Variants in DAP3 observed in about 807,000 individuals in gnomAD.
DAP3 encodes death associated protein 3, also known as small ribosomal subunit protein mS29.
A neutral mutation model predicts 51.9 loss-of-function variants in DAP3; 28 were observed. The ratio of observed to expected loss-of-function variants is 0.54; its 90% CI spans 0.40 to 0.74. The LOEUF (loss-of-function observed/expected upper bound fraction) is 0.74, where lower values mean the gene tolerates loss of function less well. Among genes scored for constraint, DAP3 ranks in the 30% least tolerant of loss-of-function variants. The probability of loss-of-function intolerance (pLI) is 0.00; values close to 1 mark genes in which losing one functional copy is unlikely to be tolerated. For synonymous variants in DAP3, 170 were observed against 170.3 expected, an observed-to-expected ratio of 1.00 and a Z score of 0.01; for missense variants, 458 against 483.5, an observed-to-expected ratio of 0.95 and a Z score of 0.49.
intron 3 of DAP3, among the ~76,000 whole-genome samples, chr1:155,721,199 G>A (rs901039501): frequency 1.3e-5 from 2 of 151,626 alleles, no homozygotes; most frequent in Non-Finnish European, 1.5e-5. Context: ...AGCCGGGTGC[G>A]GTGGCAGATT....
intron 4 of DAP3, among the ~76,000 whole-genome samples, chr1:155,724,942 GA>G (rs1658408790): frequency 6.8e-6 from 1 of 147,758 alleles, no homozygotes; most frequent in Non-Finnish European, 1.5e-5. Flanking sequence ...CAACAAGAGT[GA>G]AACTCCGTCT....
At chr1:155,702,164 A>G (rs573797275) in intron 1 of DAP3, among the ~76,000 whole-genome samples, 25 of 148,046 alleles carry the variant, frequency 1.7e-4, no homozygotes, top group South Asian at 1.7e-3. Context: ...AAAAAAAAAA[A>G]AAAAAAGAAA....
intron 6 of DAP3, 145 bp downstream of exon 6, chr1:155,726,164 A>T: frequency 1.7e-6 from 1 of 601,848 alleles, no homozygotes; most frequent in Non-Finnish European, 2.6e-6. Flanking sequence ...GCCAGTCTGG[A>T]GTGCAGAGGC....
chr1:155,735,352 G>T (rs1051945002), intron 11 of DAP3, among the ~76,000 whole-genome samples: 1 of 151,924 alleles, frequency 6.6e-6, no homozygotes, highest in Non-Finnish European at 1.5e-5. Flanking sequence ...AGGGCGGGCG[G>T]ATCACCTGAG....
chr1:155,703,679 A>G (rs959215732), intron 1 of DAP3, among the ~76,000 whole-genome samples: 46 of 151,830 alleles, frequency 3.0e-4, no homozygotes, highest in African/African-American at 1.1e-3. Flanking sequence ...CTGGGACTAC[A>G]GGCGCCCGCC....
intron 9 of DAP3, among the ~76,000 whole-genome samples, chr1:155,729,659 C>T (rs1029540758): frequency 1.3e-5 from 2 of 152,044 alleles, no homozygotes; most frequent in Non-Finnish European, 2.9e-5. Context: ...GTGGCACACA[C>T]CTGTAGTCAC....
chr1:155,717,237 TAC>T, intron 3 of DAP3, 109 bp downstream of exon 3: 1 of 1,522,000 alleles, frequency 6.6e-7, no homozygotes. Flanking sequence ...GATTTGCATT[TAC>T]TCAGATAGTG....
chr1:155,700,543 C>T (rs1655074363), intron 1 of DAP3, among the ~76,000 whole-genome samples: 1 of 151,238 alleles, frequency 6.6e-6, no homozygotes. Flanking sequence ...CCCGCCCGGC[C>T]AGCCGCCCCA....
rs1655825980 is a variant in DAP3, at chr1:155,705,412, C to CA, written c.-7-4360dup. Among the ~76,000 whole-genome samples, 4 of 150,140 alleles carry CA rather than the reference C, an allele frequency of 2.7e-5. No individual in the cohort carries two copies. In the South Asian group the frequency reaches 8.4e-4, roughly 31 times the overall value. On this transcript the variant is annotated intron_variant, in intron 1 of 12. Coordinates refer to ENST00000368336, the MANE Select transcript of DAP3 (RefSeq NM_004632.4). ...AGGAGTTCAAGACCATCCTGGGCAC[C>CA]ATAGCAAGGGTTATGTCTACCCAAA...
rs1170429497 is a variant in DAP3, at chr1:155,689,118, C to T, written c.-64C>T. The T allele has an allele frequency of 4.5e-6, 5 of 1,111,468 alleles. No homozygotes were observed. The highest frequency in any genetic ancestry group is 6.5e-6 in the Non-Finnish European group (5 of 766,524). The allele number at this position is 1,111,468 out of a possible 1,614,324, so 68.9% of individuals were successfully genotyped here. ...AGTCTCAGGACGGGCGCTTTGGAGC[C>T]GGCCCCAGGCAGCGTGTGTCGGTCG... On this transcript the variant is annotated 5_prime_UTR_variant, in exon 1 of 13. Transcript: ENST00000368336.
In DAP3 at chr1:155,721,622, C is replaced by T; in HGVS notation, c.270+4C>T. On this transcript the variant is annotated splice_donor_region_variant and intron_variant, in intron 4 of 12. Transcript: ENST00000368336. ...TCCTCCTCGCTTTGTGATGCAGGTG[C>T]TCAAGACAGGGAATGGAATTGGAGG... 1.2e-6 allele frequency: 2 copies of T among 1,613,932 alleles called. No homozygotes were observed. The highest frequency in any genetic ancestry group is 1.7e-6 in the Non-Finnish European group (2 of 1,179,932).
At chr1:155,721,084 G>A (rs1315700541) in intron 3 of DAP3, among the ~76,000 whole-genome samples, 3 of 150,370 alleles carry the variant, frequency 2.0e-5, no homozygotes, top group East Asian at 3.9e-4. Context: ...CCCTGTAATC[G>A]CAGCATTTTG....
At chr1:155,721,113 A>T (rs1355336193) in intron 3 of DAP3, among the ~76,000 whole-genome samples, 1 of 151,842 alleles carries the variant, frequency 6.6e-6, no homozygotes, top group African/African-American at 2.4e-5. Flanking sequence ...AGGCAGGCAG[A>T]TCACCTGAGG....
Position 155,732,028 on chromosome 1 carries a change from G to A in DAP3, c.988G>A (p.Gly330Arg), listed in dbSNP as rs1659287193. Reference protein sequence around the residue: ...RKAYLPQELLGKEGFDALDPF... With the variant: ...RKAYLPQELLRKEGFDALDPF... The stretch of plus-strand genomic sequence containing the variant: ...AGCCTATCTGCCCCAGGAGTTGCTG[G>A]GAAAGGTCAAGTCAAAGGAAAATTT... Residue 330 changes from glycine to arginine, a missense_variant, in exon 11 of 13, where the codon GGA becomes AGA. By Grantham distance (125) the Gly-to-Arg change is moderately radical. Coordinates refer to ENST00000368336, the MANE Select transcript of DAP3 (RefSeq NM_004632.4). The A allele has an allele frequency of 3.7e-6, 6 of 1,609,336 alleles. No homozygotes were observed. The highest frequency in any genetic ancestry group is 5.1e-6 in the Non-Finnish European group (6 of 1,177,710).
intron 1 of DAP3, 146 bp from the exon 2 acceptor site, chr1:155,709,627 T>G (rs1238867745): frequency 3.6e-6 from 2 of 555,432 alleles, no homozygotes; most frequent in African/African-American, 3.8e-5. Context: ...TTGCTCATTT[T>G]TTTAATGAAG....
intron 1 of DAP3, among the ~76,000 whole-genome samples, chr1:155,705,241 G>A (rs180681538): frequency 6.6e-6 from 1 of 151,952 alleles, no homozygotes; most frequent in South Asian, 2.1e-4. Flanking sequence ...AGCTGTGATT[G>A]TGCCACTGTA....
At chr1:155,732,663 C>A (rs1036030005) in intron 11 of DAP3, among the ~76,000 whole-genome samples, 3 of 152,152 alleles carry the variant, frequency 2.0e-5, no homozygotes, top group African/African-American at 7.2e-5. Flanking sequence ...GGGATTTATT[C>A]TGATGTAGCC....
chr1:155,691,529 T>C (rs1020172749), intron 1 of DAP3, among the ~76,000 whole-genome samples: 4 of 142,004 alleles, frequency 2.8e-5, no homozygotes, highest in Non-Finnish European at 5.9e-5. Flanking sequence ...TTTTGGCTCT[T>C]ATGCATAATA....
chr1:155,730,156 C>A (rs1028282198), intron 9 of DAP3, among the ~76,000 whole-genome samples: 1 of 126,476 alleles, frequency 7.9e-6, no homozygotes, highest in African/African-American at 4.7e-5. Flanking sequence ...TCATAATATA[C>A]GAATATACCT....
Sources: gnomAD v4.1 joint callset for allele counts (sites outside exome capture counted in the v4.1 genomes callset) on GRCh38, gnomAD v4.1.1 for gene constraint, MANE v1.5 for transcripts, NCBI Gene and HGNC (gene_info 2026-07-23, HGNC 2026-07-21) for gene names.